Variants in HOXB3 observed in about 807,000 individuals in gnomAD.
The protein encoded by HOXB3 is homeobox protein Hox-B3.
In HOXB3, 17 loss-of-function variants were observed where a neutral mutation model predicts 29.2. The observed-to-expected ratio is 0.58, with a 90% CI of 0.40 to 0.87. The LOEUF is 0.87. Among genes scored for constraint, HOXB3 ranks in the 40% least tolerant of loss-of-function variants. The pLI, the probability that HOXB3 is intolerant of heterozygous loss-of-function variation, is 0.00. For missense variants in HOXB3, 637 were observed against 616.3 expected, an observed-to-expected ratio of 1.03 and a Z score of -0.35; for synonymous variants, 317 against 285.9, an observed-to-expected ratio of 1.11 and a Z score of -1.10.
chr17:48,578,151 G>C (rs897116852), intron 1 of HOXB3: 1 of 1,586,768 alleles, frequency 6.3e-7, no homozygotes, highest in Non-Finnish European at 8.6e-7. Context: ...CACGCCGCGC[G>C]CCGCCCGAAG....
At position 48,551,095 on chromosome 17, in the gene HOXB3, C is replaced by T. The variant is rs2068717224; in HGVS notation, c.535G>A (p.Asp179Asn). Residue 179 changes from aspartate to asparagine, a missense_variant, in exon 5 of 5, where the codon GAC (aspartate) becomes AAC (asparagine). By Grantham distance (23) the Asp-to-Asn change is conservative (BLOSUM62 1). Coordinates refer to ENST00000498678, the MANE Select transcript of HOXB3 (RefSeq NM_001384749.1). ...GGGGGGGGGG[D>N]KSPPGSAASK... ...GCCGCCGACCCCGGGGGGCTCTTGTCCCCTCCCCCGCCGCCGCCGCCACCG... is the reference window on the plus strand; with the variant it reads ...GCCGCCGACCCCGGGGGGCTCTTGTTCCCTCCCCCGCCGCCGCCGCCACCG... The T allele has an allele frequency of 7.0e-7, 1 of 1,421,596 alleles. No individual in the cohort carries two copies. Among genetic ancestry groups the T allele is most frequent in the Non-Finnish European group, 9.2e-7 (1 of 1,084,304 alleles). 88.1% of individuals were successfully genotyped at this position (1,421,596 alleles called of 1,614,324 possible).
chr17:48,585,479 C>A (rs913494496), intron 1 of HOXB3, among the ~76,000 whole-genome samples: 5 of 152,196 alleles, frequency 3.3e-5, no homozygotes, highest in African/African-American at 1.2e-4. Context: ...GGCCACCTTG[C>A]GCGGCCGCTC....
chr17:48,552,597 G>A lies in HOXB3; in HGVS notation c.-123C>T. On this transcript the variant is annotated 5_prime_UTR_variant, in exon 4 of 5. Coordinates refer to ENST00000498678, the MANE Select transcript of HOXB3 (RefSeq NM_001384749.1). ...CCCCCCCCCCCCACCTCCCCTCTCT[G>A]CCCCCCTCCTCCGGGGTCTGTTCCA... 1 of 600,426 alleles carries A rather than the reference G, an allele frequency of 1.7e-6. No individual in the cohort carries two copies. Among genetic ancestry groups the A allele is most frequent in the Non-Finnish European group, 2.6e-6 (1 of 382,070 alleles). 37.2% of individuals were successfully genotyped at this position (600,426 alleles called of 1,614,324 possible).
chr17:48,580,895 C>T (rs376805000), intron 1 of HOXB3: 1 of 152,082 alleles, frequency 6.6e-6, no homozygotes, highest in African/African-American at 2.4e-5. Context: ...TCCCAGAAGC[C>T]GTGAATTTAC....
At position 48,577,995 on chromosome 17, in the gene HOXB3, G is replaced by T. The variant is rs759189909; in HGVS notation, c.-424-3981C>A. On this transcript the variant is annotated intron_variant, in intron 1 of 4. Transcript: ENST00000498678. Reference sequence around the variant, plus strand: ...GGGCTGCTGCTGACCGCCTCGCAGCGCTGGCCGGGCTCCGGGAGGAGGGCC... The same window carrying T: ...GGGCTGCTGCTGACCGCCTCGCAGCTCTGGCCGGGCTCCGGGAGGAGGGCC... 5 of 1,299,988 alleles carry T rather than the reference G, an allele frequency of 3.8e-6. No homozygotes were observed. In the South Asian group the frequency reaches 9.6e-5, roughly 25 times the overall value. 80.5% of individuals were successfully genotyped at this position (1,299,988 alleles called of 1,614,324 possible).
intron 2 of HOXB3, among the ~76,000 whole-genome samples, 181 bp from the exon 3 acceptor site, chr17:48,555,799 G>C (rs1209285653): frequency 6.6e-6 from 1 of 152,106 alleles, no homozygotes; most frequent in Admixed American, 6.5e-5. Context: ...GGGAGGGGGT[G>C]GGGGAGCGGG....
At chr17:48,573,713 T>C (rs779630522) in intron 2 of HOXB3, 124 bp downstream of exon 2, 8 of 626,184 alleles carry the variant, frequency 1.3e-5, no homozygotes, top group Non-Finnish European at 2.3e-5. Flanking sequence ...GCATCCACCA[T>C]AAAAACCCAG....
chr17:48,577,150 GC>G (rs3833171), intron 1 of HOXB3: 841,564 of 949,742 alleles, frequency 0.89, 375,089 homozygotes, highest in Non-Finnish European at 0.91. Flanking sequence ...CTGAGGGAGA[GC>G]GGGGAAAAAC....
chr17:48,554,792 C>T lies in HOXB3; in HGVS notation c.-159+739G>A, dbSNP rs1197095850. On this transcript the variant is annotated intron_variant, in intron 3 of 4. Transcript: ENST00000498678. The surrounding 1 kb of genome is among the most constrained non-coding windows in gnomAD (Gnocchi z 4.1). Reference sequence around the variant, plus strand: ...GAATTAAAAGGCGCCTTAGAAACTCCGCTTCGGGACTTTGCTCAGCAGGGC... The same window carrying T: ...GAATTAAAAGGCGCCTTAGAAACTCTGCTTCGGGACTTTGCTCAGCAGGGC... 4.3e-6 allele frequency: 3 copies of T among 702,222 alleles called. No individual in the cohort carries two copies. Among genetic ancestry groups the T allele is most frequent in the Non-Finnish European group, 7.8e-6 (3 of 384,828 alleles). The allele number at this position is 702,222 out of a possible 1,614,324, so 43.5% of individuals were successfully genotyped here. A position where few individuals can be genotyped will look rare whatever the true frequency, so the allele number is the denominator to read the frequency against.
rs568854291 is a variant in HOXB3, at chr17:48,583,545, C to T, written c.-425+6580G>A. Reference sequence around the variant, plus strand: ...AAGTCTACAGACTGAAACAGGGCTCCAGCCTAGTTGGTAGGGTGGTATCCT... The same window carrying T: ...AAGTCTACAGACTGAAACAGGGCTCTAGCCTAGTTGGTAGGGTGGTATCCT... On this transcript the variant is annotated intron_variant, in intron 1 of 4. Coordinates refer to ENST00000498678, the MANE Select transcript of HOXB3 (RefSeq NM_001384749.1). 3.3e-4 allele frequency among the ~76,000 whole-genome samples: 51 copies of T among 152,292 alleles called. No homozygotes were observed. The South Asian group carries it at 0.01, about 31-fold the overall frequency.
rs2068615370 is a variant in HOXB3 at position 48,548,994 on chromosome 17, T to G, written c.*1340A>C. The G allele has an allele frequency of 6.6e-6, 1 of 152,650 alleles. No individual in the cohort carries two copies. The highest frequency in any genetic ancestry group is 1.5e-5 in the Non-Finnish European group (1 of 68,044). The allele number at this position is 152,650 out of a possible 1,614,324, so 9.5% of individuals were successfully genotyped here. On this transcript the variant is annotated 3_prime_UTR_variant, in exon 5 of 5. Coordinates refer to ENST00000498678, the MANE Select transcript of HOXB3 (RefSeq NM_001384749.1). ...GGGAATTAACTCTAGTTCTACAAATTCAGGACTATACAGTGACGATTAGGA... is the reference window on the plus strand; with the variant it reads ...GGGAATTAACTCTAGTTCTACAAATGCAGGACTATACAGTGACGATTAGGA...
At chr17:48,577,363 C>T (rs2069800386) in intron 1 of HOXB3, among the ~76,000 whole-genome samples, 1 of 152,124 alleles carries the variant, frequency 6.6e-6, no homozygotes, top group South Asian at 2.1e-4. Context: ...GGGAGGTTTC[C>T]CTAAACCTTT....
intron 1 of HOXB3, chr17:48,579,627 C>A: frequency 6.0e-6 from 1 of 165,976 alleles, no homozygotes; most frequent in Non-Finnish European, 1.4e-5. Flanking sequence ...TAACATTAAC[C>A]TCTTAAAGAG....
intron 1 of HOXB3, chr17:48,578,032 C>A (rs781521172): frequency 3.2e-5 from 32 of 998,482 alleles, no homozygotes; most frequent in Non-Finnish European, 3.2e-5. Context: ...CGGCGGGTGG[C>A]GGCGCAGGAG....
chr17:48,553,155 A>G (rs2068834000), intron 3 of HOXB3: 1 of 152,300 alleles, frequency 6.6e-6, no homozygotes, highest in African/African-American at 2.4e-5. Flanking sequence ...TCAGCAGAGA[A>G]GCTTCTCTTG....
chr17:48,572,765 T>C (rs563789715), intron 2 of HOXB3, among the ~76,000 whole-genome samples: 1 of 151,844 alleles, frequency 6.6e-6, no homozygotes, highest in South Asian at 2.1e-4. Flanking sequence ...CAAAGATGGG[T>C]TTGGGGCCTA....
intron 4 of HOXB3, among the ~76,000 whole-genome samples, chr17:48,551,744 C>G (rs934127659): frequency 2.0e-4 from 30 of 152,254 alleles, no homozygotes; most frequent in African/African-American, 7.0e-4. Flanking sequence ...CTGCATCCTC[C>G]CGGCAGCGCC....
In HOXB3 at chr17:48,552,639, G is replaced by A. The variant is rs2068810185; in HGVS notation, c.-158-7C>T. 1 of 576,030 alleles carries A rather than the reference G, an allele frequency of 1.7e-6. No individual in the cohort carries two copies. Among genetic ancestry groups the A allele is most frequent in the Admixed American group, 3.5e-5 (1 of 28,746 alleles). 35.7% of individuals were successfully genotyped at this position (576,030 alleles called of 1,614,324 possible). A position where few individuals can be genotyped will look rare whatever the true frequency, so the allele number is the denominator to read the frequency against. On this transcript the variant is annotated splice_region_variant and splice_polypyrimidine_tract_variant and intron_variant, in intron 3 of 4. Coordinates refer to ENST00000498678, the MANE Select transcript of HOXB3 (RefSeq NM_001384749.1). ...TCTGTTCCAAGCGGCTGACCTGCGAGGCGAGAGAAGAGACACAAGGGGGAG... is the reference window on the plus strand; with the variant it reads ...TCTGTTCCAAGCGGCTGACCTGCGAAGCGAGAGAAGAGACACAAGGGGGAG...
chr17:48,577,079 T>A, intron 1 of HOXB3: 1 of 1,460,008 alleles, frequency 6.8e-7, no homozygotes, highest in Non-Finnish European at 9.2e-7. Context: ...AAAGAGAGAG[T>A]CCTTTCTTCC....
Sources: gnomAD v4.1 joint callset for allele counts (sites outside exome capture counted in the v4.1 genomes callset) on GRCh38, gnomAD v4.1.1 for gene constraint, Gnocchi (gnomAD v3.1) non-coding constraint, MANE v1.5 for transcripts, NCBI Gene and HGNC (gene_info 2026-07-23, HGNC 2026-07-21) for gene names.